Variants in NLGN1 observed in about 807,000 individuals in gnomAD.
NLGN1 encodes the protein neuroligin-1.
Under a neutral mutation model 65.5 loss-of-function variants are expected in NLGN1, and 12 were observed. The ratio of observed to expected loss-of-function variants is 0.18; its 90% CI spans 0.12 to 0.30. The LOEUF (loss-of-function observed/expected upper bound fraction) is 0.30. Ranked by LOEUF, NLGN1 falls within the 10% of genes least tolerant of loss-of-function variation. NLGN1 has a pLI of 1.00. For missense variants in NLGN1, 750 were observed against 1,007.1 expected (o/e 0.74, Z 3.46); for synonymous variants, 350 against 359.5 (o/e 0.97, Z 0.30).
At chr3:173,729,724 G>A (rs1292408600) in intron 3 of NLGN1, among the ~76,000 whole-genome samples, 1 of 151,936 alleles carries the variant, frequency 6.6e-6, no homozygotes, top group Non-Finnish European at 1.5e-5. Context: ...TAGCTTTATT[G>A]TTATAGTTGT....
intron 3 of NLGN1, among the ~76,000 whole-genome samples, chr3:173,681,202 G>A (rs1763898810): frequency 6.6e-6 from 1 of 152,136 alleles, no homozygotes; most frequent in African/African-American, 2.4e-5. Context: ...TATATTCAGA[G>A]TACTATTTTT....
intron 4 of NLGN1, among the ~76,000 whole-genome samples, chr3:174,045,832 G>C (rs921234556): frequency 6.6e-6 from 1 of 152,110 alleles, no homozygotes; most frequent in Non-Finnish European, 1.5e-5. Flanking sequence ...AGTAAGTATG[G>C]AAAGCTGAGC....
chr3:173,939,836 A>G (rs1353189546), intron 4 of NLGN1, among the ~76,000 whole-genome samples: 1 of 152,050 alleles, frequency 6.6e-6, no homozygotes, highest in African/African-American at 2.4e-5. Flanking sequence ...TGCCTAAAAT[A>G]TCTAATCAAG....
intron 4 of NLGN1, among the ~76,000 whole-genome samples, chr3:174,044,651 C>T (rs1733126594): frequency 1.3e-5 from 2 of 152,128 alleles, no homozygotes; most frequent in Non-Finnish European, 2.9e-5. Flanking sequence ...CAAAGCCATT[C>T]AACAAGTCTC....
intron 4 of NLGN1, among the ~76,000 whole-genome samples, chr3:173,833,416 T>G (rs1469571397): frequency 6.6e-6 from 1 of 152,210 alleles, no homozygotes; most frequent in Non-Finnish European, 1.5e-5. Flanking sequence ...TTTAAAATTA[T>G]ATTTTAGGTA....
At chr3:173,981,487 T>C (rs1348917517) in intron 4 of NLGN1, among the ~76,000 whole-genome samples, 1 of 152,132 alleles carries the variant, frequency 6.6e-6, no homozygotes, top group Non-Finnish European at 1.5e-5. Context: ...ATCACTGATG[T>C]AACACGTAAC....
chr3:173,569,467 C>T lies in NLGN1; in HGVS notation c.-320-34812C>T, dbSNP rs144153654. Among the ~76,000 whole-genome samples, 1,190 of 151,886 alleles carry T rather than the reference C, an allele frequency of 7.8e-3. 6 individuals carry two copies. Among genetic ancestry groups the T allele is most frequent in the Non-Finnish European group, 0.013 (866 of 67,940 alleles). On this transcript the variant is annotated intron_variant, in intron 2 of 6. Transcript: ENST00000457714. ...CTTTACTATATTATAGACATATTTTCGGAGAAGGCTATTTTTATTTTCTTA... is the reference window on the plus strand; with the variant it reads ...CTTTACTATATTATAGACATATTTTTGGAGAAGGCTATTTTTATTTTCTTA...
At chr3:173,973,294 C>T (rs1299028346) in intron 4 of NLGN1, among the ~76,000 whole-genome samples, 1 of 152,068 alleles carries the variant, frequency 6.6e-6, no homozygotes, top group African/African-American at 2.4e-5. Context: ...GTGACAATTG[C>T]CCGCTTAGTA....
chr3:173,546,962 A>C lies in NLGN1; in HGVS notation c.-320-57317A>C, dbSNP rs550907275. On this transcript the variant is annotated intron_variant, in intron 2 of 6. Coordinates refer to ENST00000457714, the Ensembl canonical transcript of NLGN1. The stretch of plus-strand genomic sequence containing the variant: ...AATGAGTACAAAATTAAACAGTATA[A>C]AATAATAATGTGCCCTCTTATTATA... 3.3e-5 allele frequency among the ~76,000 whole-genome samples: 5 copies of C among 152,286 alleles called. No individual in the cohort carries two copies. In the South Asian group the frequency reaches 1.0e-3, roughly 32 times the overall value.
chr3:173,605,406 T>C (rs1751227689), intron 3 of NLGN1, 128 bp from the exon 3 acceptor site: 4 of 449,774 alleles, frequency 8.9e-6, no homozygotes, highest in South Asian at 4.3e-5. Context: ...ATGTGCAGGC[T>C]CAACGAATTG....
intron 4 of NLGN1, among the ~76,000 whole-genome samples, chr3:174,197,154 TAAC>T (rs1733579131): frequency 6.6e-6 from 1 of 152,188 alleles, no homozygotes; most frequent in Non-Finnish European, 1.5e-5. Flanking sequence ...TGCTTATTTT[TAAC>T]AACTAGAACA....
chr3:173,871,578 T>C (rs943929061), intron 4 of NLGN1, among the ~76,000 whole-genome samples: 2 of 152,184 alleles, frequency 1.3e-5, no homozygotes, highest in African/African-American at 4.8e-5. Context: ...GTTGAAGATA[T>C]TTCACTGGTT....
chr3:174,128,872 T>G (rs1455426133), intron 4 of NLGN1, among the ~76,000 whole-genome samples: 1 of 152,124 alleles, frequency 6.6e-6, no homozygotes, highest in Non-Finnish European at 1.5e-5. Context: ...GGAAAATGTG[T>G]CTGCCTGCCA....
intron 1 of NLGN1, among the ~76,000 whole-genome samples, chr3:173,405,781 T>C (rs974007886): frequency 3.3e-5 from 5 of 152,144 alleles, no homozygotes; most frequent in African/African-American, 1.2e-4. Flanking sequence ...CAGACTCTTC[T>C]AGTAACTCTC....
chr3:173,770,654 A>G (rs1779443830), intron 3 of NLGN1, among the ~76,000 whole-genome samples: 1 of 152,116 alleles, frequency 6.6e-6, no homozygotes, highest in South Asian at 2.1e-4. Context: ...GAAACAATTG[A>G]TTCACAGCTC....
chr3:173,675,626 C>T (rs961866029), intron 3 of NLGN1, among the ~76,000 whole-genome samples: 2 of 152,010 alleles, frequency 1.3e-5, no homozygotes, highest in Non-Finnish European at 2.9e-5. Context: ...TATCAGTTAT[C>T]GATGCCAGGA....
At chr3:173,485,650 T>C (rs2148986458) in intron 2 of NLGN1, among the ~76,000 whole-genome samples, 1 of 152,316 alleles carries the variant, frequency 6.6e-6, no homozygotes, top group East Asian at 1.9e-4. Context: ...AAAGAATTCT[T>C]GTATGGTTTT....
chr3:173,771,409 A>G (rs1333916757), intron 3 of NLGN1, among the ~76,000 whole-genome samples: 1 of 152,194 alleles, frequency 6.6e-6, no homozygotes, highest in Non-Finnish European at 1.5e-5. Flanking sequence ...AGATGTGATG[A>G]TTAGGGTATT....
intron 4 of NLGN1, among the ~76,000 whole-genome samples, chr3:173,827,126 G>A (rs1215540729): frequency 1.3e-5 from 2 of 151,970 alleles, no homozygotes; most frequent in Non-Finnish European, 2.9e-5. Context: ...GGGACAGAAC[G>A]TTCTAGGAGT....
Sources: allele counts gnomAD v4.1 joint callset (sites outside exome capture counted in the v4.1 genomes callset), GRCh38; gene constraint gnomAD v4.1.1; transcripts MANE v1.5; gene names NCBI Gene and HGNC (gene_info 2026-07-23, HGNC 2026-07-21).